Variants in SP2 observed in about 807,000 individuals in gnomAD.
SP2 encodes the protein transcription factor Sp2.
In SP2, 9 loss-of-function variants were observed where a neutral mutation model predicts 50.1. That is an observed-to-expected ratio of 0.18 (90% confidence interval 0.11 to 0.31). The LOEUF is 0.31. SP2 is among the 10% of genes least tolerant of loss of function. The pLI is 1.00. For missense variants in SP2, 581 were observed against 806.5 expected (o/e 0.72, Z 3.39); for synonymous variants, 313 against 326.6 (o/e 0.96, Z 0.45).
intron 1 of SP2, among the ~76,000 whole-genome samples, chr17:47,910,690 G>C (rs1012003852): frequency 6.6e-6 from 1 of 152,130 alleles, no homozygotes; most frequent in African/African-American, 2.4e-5. Context: ...TGACACTTAG[G>C]CTCCTTGAGT....
At position 47,925,132 on chromosome 17, in the gene SP2, G is replaced by A. The variant is rs775304204; in HGVS notation, c.1547+39G>A. 14 of 1,565,134 alleles carry A rather than the reference G, an allele frequency of 8.9e-6. No homozygotes were observed. In the South Asian group the frequency reaches 1.7e-4, roughly 19 times the overall value. ...AAGGCCCAAGCCACAAGGCTGGCCT[G>A]TGTTCCCCAAGCCCCTCCTGGACAG... On this transcript the variant is annotated intron_variant, in intron 5 of 6. Coordinates refer to ENST00000376741, the MANE Select transcript of SP2 (RefSeq NM_003110.6).
At chr17:47,903,191 C>A (rs1163666638) in intron 1 of SP2, among the ~76,000 whole-genome samples, 1 of 152,132 alleles carries the variant, frequency 6.6e-6, no homozygotes, top group Non-Finnish European at 1.5e-5. Context: ...TCTAAACCCA[C>A]GAGACTAGAC....
chr17:47,898,037 T>G (rs2034407006), intron 1 of SP2: 2 of 207,024 alleles, frequency 9.7e-6, no homozygotes. Flanking sequence ...TGAACCCCCC[T>G]GAGCTAGGCT....
At chr17:47,918,475 C>T (rs2143989222) in intron 3 of SP2, 1 of 152,312 alleles carries the variant, frequency 6.6e-6, no homozygotes, top group East Asian at 1.9e-4. Context: ...AATTGTGGCA[C>T]CTGCTCAGGA....
chr17:47,923,053 G>A lies in SP2; in HGVS notation c.1151G>A (p.Cys384Tyr), dbSNP rs202014692. 1.8e-4 allele frequency: 290 copies of A among 1,614,072 alleles called. No homozygotes were observed. The highest frequency in any genetic ancestry group is 2.2e-4 in the Admixed American group (13 of 60,006). ...ATAAATSNTT[C>Y]SSPASRAPHL... ...GCTGCAGCCACCTCTAACACCACCTGTAGCAGCCCTGCATCCCGTGCTCCC... is the reference window on the plus strand; with the variant it reads ...GCTGCAGCCACCTCTAACACCACCTATAGCAGCCCTGCATCCCGTGCTCCC... Residue 384 changes from cysteine (C) to tyrosine (Y), a missense_variant, in exon 4 of 7, where the codon TGT becomes TAT. Around this residue, in one of 2 missense-constraint regions of SP2, gnomAD observed 397 missense variants for 491.0 expected, o/e 0.81. Transcript: ENST00000376741.
intron 6 of SP2, among the ~76,000 whole-genome samples, chr17:47,926,213 G>T (rs913695883): frequency 2.6e-5 from 4 of 151,896 alleles, no homozygotes; most frequent in African/African-American, 9.7e-5. Context: ...CACTGCGCCG[G>T]CCTGTTGATG....
intron 1 of SP2, among the ~76,000 whole-genome samples, chr17:47,911,574 C>T (rs1257817923): frequency 6.6e-6 from 1 of 151,646 alleles, no homozygotes; most frequent in Non-Finnish European, 1.5e-5. Context: ...TTTGGGAGGC[C>T]AAGGCAGGCG....
At position 47,923,220 on chromosome 17, in the gene SP2, A is replaced by G. The variant is rs1222491400; in HGVS notation, c.1318A>G (p.Asn440Asp). ...AAAAQAMQTI[N>D]INGVQVQGVP... Reference sequence around the variant, plus strand: ...AGCTGCCCAGGCAATGCAGACCATCAACATCAATGGTGTCCAGGTCCAGGG... The same window carrying G: ...AGCTGCCCAGGCAATGCAGACCATCGACATCAATGGTGTCCAGGTCCAGGG... Residue 440 changes from asparagine (N) to aspartate (D), a missense_variant, in exon 4 of 7, where the codon AAC becomes GAC. Physicochemically the swap from Asn to Asp is conservative, Grantham distance 23. Coordinates refer to ENST00000376741, the MANE Select transcript of SP2 (RefSeq NM_003110.6). The G allele has an allele frequency of 6.2e-7, 1 of 1,612,100 alleles. No individual in the cohort carries two copies. Among genetic ancestry groups the G allele is most frequent in the Non-Finnish European group, 8.5e-7 (1 of 1,180,032 alleles).
chr17:47,896,444 G>A, intron 1 of SP2, 151 bp downstream of exon 1: 1 of 576,836 alleles, frequency 1.7e-6, no homozygotes, highest in Non-Finnish European at 2.6e-6. Flanking sequence ...GCGGGGGAGG[G>A]AGGATTCCCG....
chr17:47,923,295 C>T, intron 4 of SP2, 21 bp downstream of exon 4: 1 of 1,584,312 alleles, frequency 6.3e-7, no homozygotes, highest in Non-Finnish European at 8.6e-7. Context: ...CCCCTGTGGC[C>T]AGGGTGTTGG....
intron 3 of SP2, 52 bp downstream of exon 3, chr17:47,917,182 TG>T: frequency 6.6e-7 from 1 of 1,522,208 alleles, no homozygotes; most frequent in Non-Finnish European, 8.9e-7. Flanking sequence ...TATCTCTTTT[TG>T]GCTTGCTTTG....
intron 1 of SP2, among the ~76,000 whole-genome samples, chr17:47,902,684 C>T (rs765613843): frequency 5.9e-5 from 9 of 152,128 alleles, no homozygotes; most frequent in Non-Finnish European, 1.2e-4. Context: ...ACTGCAGTGG[C>T]GAATTTTGAA....
chr17:47,906,976 C>G (rs905803508), intron 1 of SP2, among the ~76,000 whole-genome samples: 1 of 151,928 alleles, frequency 6.6e-6, no homozygotes, highest in Non-Finnish European at 1.5e-5. Context: ...TTAAGGGTGG[C>G]AAAGGAAGAG....
chr17:47,897,848 C>T (rs749538019), intron 1 of SP2: 57 of 985,058 alleles, frequency 5.8e-5, no homozygotes, highest in Non-Finnish European at 6.7e-5. Flanking sequence ...ATCAATTGGG[C>T]TGATGATGTC....
chr17:47,914,800 T>TGAGGA (rs954858794), intron 1 of SP2: 1 of 152,356 alleles, frequency 6.6e-6, no homozygotes, highest in Non-Finnish European at 1.5e-5. Context: ...TGGCTGAGTC[T>TGAGGA]GAGGAGAGGA....
At chr17:47,905,977 G>C (rs142354907) in intron 1 of SP2, among the ~76,000 whole-genome samples, 14 of 152,246 alleles carry the variant, frequency 9.2e-5, no homozygotes, top group Non-Finnish European at 1.6e-4. Flanking sequence ...AAGAGGTCAG[G>C]AGGGAGGACC....
At chr17:47,918,763 T>A (rs922762715) in intron 3 of SP2, among the ~76,000 whole-genome samples, 4 of 152,186 alleles carry the variant, frequency 2.6e-5, no homozygotes, top group Non-Finnish European at 5.9e-5. Flanking sequence ...CGTACATTTT[T>A]AAAAAATTTG....
intron 1 of SP2, among the ~76,000 whole-genome samples, chr17:47,913,581 A>G (rs1405946082): frequency 1.3e-5 from 2 of 151,998 alleles, no homozygotes; most frequent in African/African-American, 4.8e-5. Context: ...CTTTTTAAAA[A>G]ATTTTTATTA....
rs139815805 is a variant in SP2, at chr17:47,922,976, G to A, written c.1074G>A (p.Thr358=). 43 of 1,611,784 alleles carry A rather than the reference G, an allele frequency of 2.7e-5. No individual in the cohort carries two copies. In the African/African-American group the frequency reaches 2.7e-4, roughly 10 times the overall value. ...EPTPTQVYIR[T]PSGEVQTVLV... ...GCCCCTCCCAGGTCTACATCCGCACGCCTTCCGGTGAGGTGCAGACAGTCC... is the reference window on the plus strand; with the variant it reads ...GCCCCTCCCAGGTCTACATCCGCACACCTTCCGGTGAGGTGCAGACAGTCC... The change falls in exon 4 of 7, where the codon ACG becomes ACA. Residue 358 remains threonine, a synonymous_variant. Coordinates refer to ENST00000376741, the MANE Select transcript of SP2 (RefSeq NM_003110.6).
Sources: allele counts gnomAD v4.1 joint callset (sites outside exome capture counted in the v4.1 genomes callset), GRCh38; gene constraint gnomAD v4.1.1; regional missense constraint gnomAD v4.1.1; transcripts MANE v1.5; gene names NCBI Gene and HGNC (gene_info 2026-07-23, HGNC 2026-07-21).